CTNND2: variants seen among roughly 807,000 people sequenced by gnomAD.
The protein encoded by CTNND2 is catenin delta 2.
Under a neutral mutation model 144.4 loss-of-function variants are expected in CTNND2, and 22 were observed. The observed-to-expected ratio is 0.15, with a 90% confidence interval of 0.11 to 0.22. The LOEUF (loss-of-function observed/expected upper bound fraction) is 0.22, where lower values mean the gene tolerates loss of function less well. Ranked by LOEUF, CTNND2 falls within the 10% of genes least tolerant of loss-of-function variation. CTNND2 has a pLI of 1.00. For missense variants in CTNND2, 1,353 were observed against 1,618.8 expected (o/e 0.84, Z 2.82); for synonymous variants, 751 against 695.6 (o/e 1.08, Z -1.25).
intron 1 of CTNND2, among the ~76,000 whole-genome samples, chr5:11,859,789 T>C (rs1305264874): frequency 6.6e-6 from 1 of 152,172 alleles, no homozygotes; most frequent in Non-Finnish European, 1.5e-5. Context: ...AATTCATTCA[T>C]TAATGGGGTG....
At position 11,009,814 on chromosome 5, in the gene CTNND2, A is replaced by G. The variant is rs568557404; in HGVS notation, c.3084+8160T>C. On this transcript the variant is annotated intron_variant, in intron 18 of 21. Transcript: ENST00000304623. ...TGTTTAGCAACTGCCATGTGCATTG[A>G]TTTCCACTTTTGCACAATTGATTTT... Among the ~76,000 whole-genome samples the G allele has an allele frequency of 9.2e-5, 14 of 152,260 alleles. No individual in the cohort carries two copies. The South Asian group carries it at 2.7e-3, about 29-fold the overall frequency.
intron 2 of CTNND2, among the ~76,000 whole-genome samples, chr5:11,650,030 G>T (rs1323937905): frequency 6.6e-6 from 1 of 152,154 alleles, no homozygotes; most frequent in Non-Finnish European, 1.5e-5. Context: ...CAGAACCCAT[G>T]ACTTTAGTCA....
chr5:11,646,677 G>A, intron 2 of CTNND2, among the ~76,000 whole-genome samples: 1 of 152,028 alleles, frequency 6.6e-6, no homozygotes, highest in East Asian at 1.9e-4. Context: ...AATATTTTTT[G>A]TTCAATTTGT....
intron 3 of CTNND2, among the ~76,000 whole-genome samples, chr5:11,419,471 C>G (rs1025355688): frequency 6.6e-6 from 1 of 152,126 alleles, no homozygotes; most frequent in Non-Finnish European, 1.5e-5. Context: ...GTGGCAACAA[C>G]TGTTTAGAGA....
In CTNND2 at chr5:11,411,895, T is replaced by G. The variant is rs968541582; in HGVS notation, c.322+140A>C. ...ATTTAACTCTCAATAAATTGTGAACTATCATAACAACTTCATCTAATTTTA... is the reference window on the plus strand; with the variant it reads ...ATTTAACTCTCAATAAATTGTGAACGATCATAACAACTTCATCTAATTTTA... On this transcript the variant is annotated intron_variant, in intron 4 of 21. Transcript: ENST00000304623. 10 of 746,934 alleles carry G rather than the reference T, an allele frequency of 1.3e-5. No individual in the cohort carries two copies. In the East Asian group the frequency reaches 2.2e-4, roughly 17 times the overall value. 46.3% of individuals were successfully genotyped at this position (746,934 alleles called of 1,614,324 possible).
Position 11,159,868 on chromosome 5 carries a change from T to C in CTNND2, c.1976-109A>G, listed in dbSNP as rs61753301. 2.0e-4 allele frequency: 164 copies of C among 827,758 alleles called. No individual in the cohort carries two copies. In the East Asian group the frequency reaches 3.1e-3, roughly 15 times the overall value. The allele number at this position is 827,758 out of a possible 1,614,324, so 51.3% of individuals were successfully genotyped here. ...GAACTGGCAGGAAGGATGAAAATAC[T>C]GTGGACACACATCCTAGAGTGTGTC... On this transcript the variant is annotated intron_variant, in intron 11 of 21. Transcript: ENST00000304623.
chr5:11,216,971 G>A (rs754945715), intron 10 of CTNND2, among the ~76,000 whole-genome samples: 7 of 152,232 alleles, frequency 4.6e-5, no homozygotes, highest in Admixed American at 2.6e-4. Context: ...TATATTGCCC[G>A]CCTAAATATA....
rs139817711 is a variant in CTNND2, at chr5:11,518,476, G to A, written c.287+46468C>T. Among the ~76,000 whole-genome samples the A allele has an allele frequency of 4.2e-3, 645 of 152,240 alleles. 5 individuals carry two copies. The highest frequency in any genetic ancestry group is 0.014 in the African/African-American group (600 of 41,538). On this transcript the variant is annotated intron_variant, in intron 3 of 21. Coordinates refer to ENST00000304623, the MANE Select transcript of CTNND2 (RefSeq NM_001332.4). The stretch of plus-strand genomic sequence containing the variant: ...AGAAAATGTTTTCAATAAATTGAGC[G>A]TAGCCTAAGTATCCAGTGTTTCTTG...
chr5:11,091,565 G>A (rs749059401), intron 15 of CTNND2, among the ~76,000 whole-genome samples: 1 of 152,088 alleles, frequency 6.6e-6, no homozygotes, highest in Non-Finnish European at 1.5e-5. Flanking sequence ...GAATATTTTT[G>A]TATTCCTACG....
intron 17 of CTNND2, among the ~76,000 whole-genome samples, chr5:11,021,953 T>C (rs1308415776): frequency 2.0e-5 from 3 of 152,196 alleles, no homozygotes; most frequent in Non-Finnish European, 4.4e-5. Context: ...TGAAGGTTTC[T>C]GTAAAATTGA....
chr5:11,586,856 G>A (rs1055053830), intron 2 of CTNND2, among the ~76,000 whole-genome samples: 3 of 151,738 alleles, frequency 2.0e-5, no homozygotes, highest in Non-Finnish European at 4.4e-5. Context: ...TATTATGTTT[G>A]ACTCTCTGCT....
intron 1 of CTNND2, among the ~76,000 whole-genome samples, chr5:11,899,427 A>G (rs888926309): frequency 3.3e-5 from 5 of 152,198 alleles, no homozygotes; most frequent in Non-Finnish European, 7.3e-5. Context: ...GATATAATTT[A>G]CTTCTCCTTT....
rs368754062 is a variant in CTNND2 at position 11,761,209 on chromosome 5, A to C, written c.38-28937T>G. Among the ~76,000 whole-genome samples, 8 of 152,268 alleles carry C rather than the reference A, an allele frequency of 5.3e-5. No homozygotes were observed. The South Asian group carries it at 1.7e-3, about 32-fold the overall frequency. ...ATGAGGCAATGCACTCGGATAGACC[A>C]ATTTCATGAAACTGTAATTACTCTG... On this transcript the variant is annotated intron_variant, in intron 1 of 21. Transcript: ENST00000304623.
At chr5:11,895,275 A>T (rs1737302571) in intron 1 of CTNND2, among the ~76,000 whole-genome samples, 1 of 152,210 alleles carries the variant, frequency 6.6e-6, no homozygotes, top group African/African-American at 2.4e-5. Context: ...CAAACGCCAG[A>T]ATTACAGAAA....
intron 2 of CTNND2, among the ~76,000 whole-genome samples, chr5:11,666,988 A>G (rs1247564899): frequency 6.6e-6 from 1 of 151,974 alleles, no homozygotes; most frequent in Non-Finnish European, 1.5e-5. Flanking sequence ...TCATTGTTCA[A>G]TGCCCACTTA....
intron 1 of CTNND2, among the ~76,000 whole-genome samples, chr5:11,766,579 G>A (rs1399942298): frequency 6.6e-6 from 1 of 152,172 alleles, no homozygotes; most frequent in Non-Finnish European, 1.5e-5. Context: ...ACATAGAACT[G>A]TAAGTCCACT....
chr5:11,227,600 G>T (rs1280039688), intron 10 of CTNND2, among the ~76,000 whole-genome samples: 1 of 152,126 alleles, frequency 6.6e-6, no homozygotes, highest in Non-Finnish European at 1.5e-5. Flanking sequence ...GAATAAAGTA[G>T]AAATTATGAA....
intron 9 of CTNND2, among the ~76,000 whole-genome samples, chr5:11,259,565 G>C (rs951711106): frequency 6.6e-6 from 1 of 152,214 alleles, no homozygotes; most frequent in African/African-American, 2.4e-5. Context: ...AGAGAATCAT[G>C]AGAGGTGAAG....
At chr5:11,518,780 A>G (rs1772439809) in intron 3 of CTNND2, among the ~76,000 whole-genome samples, 1 of 152,204 alleles carries the variant, frequency 6.6e-6, no homozygotes, top group Admixed American at 6.5e-5. Context: ...AATAGACTAT[A>G]CCATATAACC....
Sources: allele counts gnomAD v4.1 joint callset (sites outside exome capture counted in the v4.1 genomes callset), GRCh38; gene constraint gnomAD v4.1.1; transcripts MANE v1.5; gene names NCBI Gene and HGNC (gene_info 2026-07-23, HGNC 2026-07-21).